RALYL: variants seen among roughly 807,000 people sequenced by gnomAD.
RALYL encodes the protein RALY RNA binding protein like, also known as RNA-binding Raly-like protein.
RALYL carries 29 observed loss-of-function variants against 35.1 expected under a neutral mutation model. The ratio of observed to expected loss-of-function variants is 0.83; its 90% confidence interval spans 0.61 to 1.13. The LOEUF is 1.13. Among genes scored for constraint, RALYL ranks in the 50% most tolerant of loss-of-function variants. The pLI is 0.00. For synonymous variants in RALYL, 120 were observed against 127.6 expected, an observed-to-expected ratio of 0.94 and a Z score of 0.40; for missense variants, 359 against 360.4, an observed-to-expected ratio of 1.00 and a Z score of 0.03.
At chr8:84,572,887 A>G (rs530493618) in intron 2 of RALYL, among the ~76,000 whole-genome samples, 140 of 151,680 alleles carry the variant, frequency 9.2e-4, no homozygotes, top group Middle Eastern at 6.8e-3. Context: ...CAATCTTCTC[A>G]ATAATTATTT....
At chr8:84,473,451 A>C (rs2053034106) in intron 1 of RALYL, among the ~76,000 whole-genome samples, 1 of 151,870 alleles carries the variant, frequency 6.6e-6, no homozygotes, top group African/African-American at 2.4e-5. Context: ...AATTCATGTA[A>C]TTAGCAATAT....
In RALYL at chr8:84,921,502, A is replaced by G. The variant is rs1477441091; in HGVS notation, c.*591A>G. 2.0e-5 allele frequency: 3 copies of G among 152,156 alleles called. No homozygotes were observed. The highest frequency in any genetic ancestry group is 4.4e-5 in the Non-Finnish European group (3 of 67,992). The allele number at this position is 152,156 out of a possible 1,614,324, so 9.4% of individuals were successfully genotyped here. On this transcript the variant is annotated 3_prime_UTR_variant, in exon 9 of 9. Coordinates refer to ENST00000521268, the MANE Select transcript of RALYL (RefSeq NM_173848.7). ...TTCAGATGTGATATAATAGTTAAAG[A>G]ACTGTTGGTTTGATCTGTGATTAAG...
intron 1 of RALYL, among the ~76,000 whole-genome samples, chr8:84,324,346 A>C (rs958386328): frequency 6.6e-6 from 1 of 151,690 alleles, no homozygotes; most frequent in South Asian, 2.1e-4. Flanking sequence ...CACTGTCTTT[A>C]CTTCAAACAA....
chr8:84,362,567 T>C (rs1853266187), intron 1 of RALYL, among the ~76,000 whole-genome samples: 1 of 152,154 alleles, frequency 6.6e-6, no homozygotes. Flanking sequence ...GCGTGAACCC[T>C]GTTGTGAACT....
intron 1 of RALYL, among the ~76,000 whole-genome samples, chr8:84,310,863 A>C (rs201356569): frequency 4.7e-5 from 7 of 147,738 alleles, no homozygotes; most frequent in Non-Finnish European, 9.0e-5. Flanking sequence ...CTGGCTAACA[A>C]GGTGAAACCC....
rs1055584236 is a variant in RALYL, at chr8:84,183,754, A to G, written c.-694A>G. On this transcript the variant is annotated 5_prime_UTR_variant, in exon 1 of 9. Transcript: ENST00000521268. ...CCTTTTCCTGAATCCAAGTTTTTCTAGCATGCGATCGTTCTGTAGACAAGG... is the reference window on the plus strand; with the variant it reads ...CCTTTTCCTGAATCCAAGTTTTTCTGGCATGCGATCGTTCTGTAGACAAGG... 6.6e-6 allele frequency: 1 copy of G among 151,024 alleles called. No individual in the cohort carries two copies. The highest frequency in any genetic ancestry group is 2.4e-5 in the African/African-American group (1 of 40,850). 9.4% of individuals were successfully genotyped at this position (151,024 alleles called of 1,614,324 possible).
intron 2 of RALYL, among the ~76,000 whole-genome samples, chr8:84,720,043 T>C (rs892346566): frequency 2.0e-5 from 3 of 152,098 alleles, no homozygotes; most frequent in Non-Finnish European, 4.4e-5. Flanking sequence ...CTCACTTCAC[T>C]TAATGTAGTG....
rs34184283 is a variant in RALYL at position 84,613,860 on chromosome 8, TTA to T, written c.256+84304_256+84305del. 9.3e-4 allele frequency among the ~76,000 whole-genome samples: 132 copies of T among 141,936 alleles called. 1 individual carries two copies. Among genetic ancestry groups the T allele is most frequent in the South Asian group, 1.8e-3 (8 of 4,442 alleles). 93.1% of individuals were successfully genotyped at this position (141,936 alleles called of 152,430 possible). A position where few individuals can be genotyped will look rare whatever the true frequency, so the allele number is the denominator to read the frequency against. The stretch of plus-strand genomic sequence containing the variant: ...TTACTTTAAACAATTTTCTTCAGAT[TTA>T]TATATATATATATATATATAATACA... On this transcript the variant is annotated intron_variant, in intron 2 of 8. Coordinates refer to ENST00000521268, the MANE Select transcript of RALYL (RefSeq NM_173848.7).
At position 84,449,086 on chromosome 8, in the gene RALYL, T is replaced by G. The variant is rs531347188; in HGVS notation, c.-23-80213T>G. Among the ~76,000 whole-genome samples the G allele has an allele frequency of 2.8e-4, 43 of 151,634 alleles. No homozygotes were observed. The South Asian group carries it at 4.6e-3, about 16-fold the overall frequency. Reference sequence around the variant, plus strand: ...TAGCTGTTAGTTTTTTTGTTTTTTTTTTTTTTTTGCTGGTGTGCTAATTGC... The same window carrying G: ...TAGCTGTTAGTTTTTTTGTTTTTTTGTTTTTTTTGCTGGTGTGCTAATTGC... On this transcript the variant is annotated intron_variant, in intron 1 of 8. Coordinates refer to ENST00000521268, the MANE Select transcript of RALYL (RefSeq NM_173848.7).
intron 1 of RALYL, among the ~76,000 whole-genome samples, chr8:84,410,113 C>T (rs568229052): frequency 6.6e-6 from 1 of 151,854 alleles, no homozygotes; most frequent in African/African-American, 2.4e-5. Flanking sequence ...GCTTACATGT[C>T]AGATGTAGGT....
chr8:84,380,958 G>A (rs1002186049), intron 1 of RALYL, among the ~76,000 whole-genome samples: 1 of 151,844 alleles, frequency 6.6e-6, no homozygotes, highest in East Asian at 2.0e-4. Context: ...GCTGGGTGGA[G>A]GGTGTGATTG....
chr8:84,764,055 C>T (rs987609838), intron 2 of RALYL, among the ~76,000 whole-genome samples: 6 of 152,158 alleles, frequency 3.9e-5, no homozygotes, highest in African/African-American at 1.4e-4. Context: ...AGGCATTTGC[C>T]GAGTTTCCTG....
chr8:84,877,593 A>G (rs1420829328), intron 7 of RALYL, among the ~76,000 whole-genome samples: 1 of 152,156 alleles, frequency 6.6e-6, no homozygotes, highest in African/African-American at 2.4e-5. Flanking sequence ...CAGAGAGTTG[A>G]TATCATTGGC....
intron 8 of RALYL, among the ~76,000 whole-genome samples, chr8:84,911,899 A>G (rs1847570447): frequency 6.6e-6 from 1 of 152,156 alleles, no homozygotes; most frequent in Admixed American, 6.6e-5. Flanking sequence ...ACATAAGGTA[A>G]GGTCTGGAAG....
chr8:84,786,767 C>T (rs1819581063), intron 3 of RALYL, among the ~76,000 whole-genome samples: 1 of 152,040 alleles, frequency 6.6e-6, no homozygotes, highest in East Asian at 1.9e-4. Flanking sequence ...AATTTTCTCC[C>T]ATTCTGTAAG....
At chr8:84,646,261 T>G (rs1827475173) in intron 2 of RALYL, among the ~76,000 whole-genome samples, 1 of 151,992 alleles carries the variant, frequency 6.6e-6, no homozygotes, top group South Asian at 2.1e-4. Flanking sequence ...TCATTTGAAT[T>G]CATATTTTTG....
intron 3 of RALYL, among the ~76,000 whole-genome samples, chr8:84,798,715 A>G (rs1411492156): frequency 6.6e-6 from 1 of 152,242 alleles, no homozygotes; most frequent in East Asian, 1.9e-4. Context: ...AAAATTCTGT[A>G]AATATAATGG....
At chr8:84,228,725 A>AC (rs1226925208) in intron 1 of RALYL, among the ~76,000 whole-genome samples, 3 of 152,168 alleles carry the variant, frequency 2.0e-5, no homozygotes, top group African/African-American at 4.8e-5. Context: ...TAATTAACTC[A>AC]CAGATCTGCA....
At chr8:84,606,880 C>A (rs756429592) in intron 2 of RALYL, among the ~76,000 whole-genome samples, 1 of 152,054 alleles carries the variant, frequency 6.6e-6, no homozygotes, top group Non-Finnish European at 1.5e-5. Context: ...GATTTGGAGT[C>A]ATAGAATTGA....
Sources: gnomAD v4.1 joint callset for allele counts (sites outside exome capture counted in the v4.1 genomes callset) on GRCh38, gnomAD v4.1.1 for gene constraint, MANE v1.5 for transcripts, NCBI Gene and HGNC (gene_info 2026-07-23, HGNC 2026-07-21) for gene names.